Variants in PALS1 observed in about 807,000 individuals in gnomAD.
PALS1 encodes the protein protein PALS1.
Under a neutral mutation model 78.9 loss-of-function variants are expected in PALS1, and 31 were observed. The ratio of observed to expected loss-of-function variants is 0.39; its 90% CI spans 0.30 to 0.53. The LOEUF (loss-of-function observed/expected upper bound fraction) is 0.53. PALS1 is among the 20% of genes least tolerant of loss of function. PALS1 has a pLI of 0.67. For missense variants in PALS1, 704 were observed against 826.5 expected, an observed-to-expected ratio of 0.85 and a Z score of 1.82; for synonymous variants, 276 against 270.9, an observed-to-expected ratio of 1.02 and a Z score of -0.18.
intron 14 of PALS1, among the ~76,000 whole-genome samples, chr14:67,331,286 C>T (rs36008052): frequency 0.015 from 2,356 of 152,316 alleles, 25 homozygotes; most frequent in Non-Finnish European, 0.023. Flanking sequence ...CCCATGTGAT[C>T]CACCTACCTT....
At chr14:67,332,672 GAAGGA>G in intron 14 of PALS1, 103 bp from the exon 15 acceptor site, 1 of 1,062,966 alleles carries the variant, frequency 9.4e-7, no homozygotes, top group Non-Finnish European at 1.3e-6. Context: ...GGGAGAGACA[GAAGGA>G]AAGCTATGAA....
chr14:67,300,444 C>T (rs1398592347), intron 4 of PALS1, among the ~76,000 whole-genome samples: 3 of 151,522 alleles, frequency 2.0e-5, no homozygotes, highest in Non-Finnish European at 4.4e-5. Context: ...TCTCATGCCT[C>T]AGCCTCTTGA....
intron 3 of PALS1, among the ~76,000 whole-genome samples, chr14:67,288,061 T>C (rs753548158): frequency 4.1e-4 from 62 of 152,062 alleles, no homozygotes; most frequent in Non-Finnish European, 8.1e-4. Context: ...CACAACACAC[T>C]AACAGCCAGG....
At position 67,279,475 on chromosome 14, in the gene PALS1, C is replaced by T. The variant is rs753172862; in HGVS notation, c.305C>T (p.Pro102Leu). 5 of 1,603,078 alleles carry T rather than the reference C, an allele frequency of 3.1e-6. No individual in the cohort carries two copies. ...QIPPKTGIDN[P>L]MFDTEEGIVL... Reference sequence around the variant, plus strand: ...CCTCCAAAGACCGGAATAGATAACCCTATGTTTGATACAGAGGAAGGAATT... The same window carrying T: ...CCTCCAAAGACCGGAATAGATAACCTTATGTTTGATACAGAGGAAGGAATT... Residue 102 changes from proline to leucine, a missense_variant, in exon 3 of 15, where the codon CCT (proline) becomes CTT (leucine). Physicochemically the swap from Pro to Leu is moderately conservative, Grantham distance 98 (BLOSUM62 -3). Coordinates refer to ENST00000261681, the MANE Select transcript of PALS1 (RefSeq NM_022474.4).
intron 4 of PALS1, among the ~76,000 whole-genome samples, chr14:67,299,047 A>G (rs1382380064): frequency 6.6e-6 from 1 of 152,202 alleles, no homozygotes; most frequent in Non-Finnish European, 1.5e-5. Flanking sequence ...TGAATATCCC[A>G]CAATTTGACC....
At chr14:67,312,826 T>G in intron 9 of PALS1, 116 bp downstream of exon 9, 1 of 864,688 alleles carries the variant, frequency 1.2e-6, no homozygotes, top group Non-Finnish European at 1.6e-6. Flanking sequence ...TCCAGTTACT[T>G]TTTCGTGTAG....
chr14:67,323,998 T>C (rs1055769186), intron 14 of PALS1, among the ~76,000 whole-genome samples, 186 bp downstream of exon 14: 2 of 152,222 alleles, frequency 1.3e-5, no homozygotes, highest in Non-Finnish European at 2.9e-5. Flanking sequence ...CTTTCCAAAG[T>C]TGGGGCATCT....
chr14:67,309,370 A>G (rs991603270), intron 8 of PALS1, among the ~76,000 whole-genome samples: 4 of 152,164 alleles, frequency 2.6e-5, no homozygotes, highest in African/African-American at 7.2e-5. Context: ...CAAATCATTA[A>G]TTTTTCAGAT....
intron 1 of PALS1, among the ~76,000 whole-genome samples, chr14:67,265,748 T>A (rs1468414632): frequency 6.6e-6 from 1 of 150,472 alleles, no homozygotes; most frequent in African/African-American, 2.5e-5. Context: ...TCCCAGCTGC[T>A]CTGGAGGCTG....
intron 12 of PALS1, 55 bp downstream of exon 12, chr14:67,320,452 C>G: frequency 6.8e-7 from 1 of 1,475,304 alleles, no homozygotes. Context: ...CAGCTCAGAA[C>G]CTAACTATAT....
At chr14:67,266,764 G>A (rs1361731897) in intron 1 of PALS1, among the ~76,000 whole-genome samples, 1 of 152,064 alleles carries the variant, frequency 6.6e-6, no homozygotes, top group Non-Finnish European at 1.5e-5. Context: ...AGTCTTTTAT[G>A]TGATGTCAGT....
intron 1 of PALS1, among the ~76,000 whole-genome samples, chr14:67,251,550 A>G (rs1344344284): frequency 6.6e-6 from 1 of 151,924 alleles, no homozygotes; most frequent in East Asian, 1.9e-4. Flanking sequence ...AAAAAAAAGT[A>G]GTTGAATTAA....
intron 14 of PALS1, among the ~76,000 whole-genome samples, chr14:67,329,275 CTT>C (rs888925855): frequency 1.3e-5 from 2 of 151,684 alleles, no homozygotes; most frequent in African/African-American, 4.9e-5. Flanking sequence ...TTGGCTCTCT[CTT>C]TGTCTGTTAT....
rs201347391 is a variant in PALS1, at chr14:67,292,680, A to G, written c.537A>G (p.Pro179=). 57 of 1,613,584 alleles carry G rather than the reference A, an allele frequency of 3.5e-5. No homozygotes were observed. The Admixed American group carries it at 9.3e-4, about 26-fold the overall frequency. The change falls in exon 4 of 15, where the codon CCA becomes CCG. Residue 179 remains proline (P), a synonymous_variant. Transcript: ENST00000261681. ...ITVHMNKASP[P]FPLISNAQDL... is the part of the protein sequence containing the mutation. ...TACACATGAACAAGGCCAGTCCTCCATTTCCTCTTATCTCCAACGCACAAG... is the reference window on the plus strand; with the variant it reads ...TACACATGAACAAGGCCAGTCCTCCGTTTCCTCTTATCTCCAACGCACAAG...
chr14:67,319,722 C>CA (rs749614250), intron 11 of PALS1, among the ~76,000 whole-genome samples: 31 of 152,180 alleles, frequency 2.0e-4, no homozygotes, highest in Non-Finnish European at 3.4e-4. Flanking sequence ...GCTCATGGGC[C>CA]ACGGGTTGGA....
At chr14:67,271,176 C>G (rs1007941385) in intron 2 of PALS1, 7 of 152,178 alleles carry the variant, frequency 4.6e-5, no homozygotes, top group African/African-American at 1.7e-4. Context: ...GTCAACAAGA[C>G]GGATCCCTGC....
At chr14:67,262,495 ATTCT>A (rs1183561149) in intron 1 of PALS1, among the ~76,000 whole-genome samples, 2 of 152,126 alleles carry the variant, frequency 1.3e-5, no homozygotes, top group African/African-American at 4.8e-5. Flanking sequence ...CTGTGAAATC[ATTCT>A]TTATAATAAC....
intron 1 of PALS1, among the ~76,000 whole-genome samples, chr14:67,247,597 T>A (rs529420580): frequency 1.3e-5 from 2 of 152,208 alleles, no homozygotes; most frequent in South Asian, 2.1e-4. Flanking sequence ...TTTTTTTTTT[T>A]AAGATAGGGT....
intron 9 of PALS1, 46 bp downstream of exon 9, chr14:67,312,756 G>A (rs939641004): frequency 5.9e-6 from 8 of 1,347,338 alleles, no homozygotes; most frequent in Non-Finnish European, 6.8e-6. Context: ...AAAGAACATT[G>A]AAAATGCAAG....
Sources: allele counts gnomAD v4.1 joint callset (sites outside exome capture counted in the v4.1 genomes callset), GRCh38; gene constraint gnomAD v4.1.1; transcripts MANE v1.5; gene names NCBI Gene and HGNC (gene_info 2026-07-23, HGNC 2026-07-21).